The following PDIA6 variants were observed in gnomAD, a reference collection of about 807,000 sequenced individuals.
The protein encoded by PDIA6 is protein disulfide isomerase family A member 6, also known as protein disulfide-isomerase A6.
PDIA6 carries 29 observed loss-of-function variants against 58.4 expected under a neutral mutation model. The ratio of observed to expected loss-of-function variants is 0.50; its 90% CI spans 0.37 to 0.68. The LOEUF is 0.68. Ranked by LOEUF, PDIA6 falls within the 30% of genes least tolerant of loss-of-function variation. The pLI, the probability that PDIA6 is intolerant of heterozygous loss-of-function variation, is 0.00. For missense variants in PDIA6, 480 were observed against 551.0 expected (o/e 0.87, Z 1.29); for synonymous variants, 192 against 202.6 (o/e 0.95, Z 0.44).
At chr2:10,816,544 A>G (rs1370765266), upstream of PDIA6, among the ~76,000 whole-genome samples, 5 of 106,758 alleles carry the variant, frequency 4.7e-5, no homozygotes, top group Admixed American at 4.5e-4. Context: ...TTTTTTTGGC[A>G]TTGACACTTT....
chr2:10,797,839 C>G lies in PDIA6; in HGVS notation c.162-82G>C, dbSNP rs1171584827. The G allele has an allele frequency of 3.6e-6, 4 of 1,104,434 alleles. No homozygotes were observed. The Admixed American group carries it at 6.2e-5, about 17-fold the overall frequency. 68.4% of individuals were successfully genotyped at this position (1,104,434 alleles called of 1,614,324 possible). The stretch of plus-strand genomic sequence containing the variant: ...AAATTCAAAAATTCAATTAAAAAAC[C>G]CCATCAATGGTCTATTGAATGAGAT... On this transcript the variant is annotated intron_variant, in intron 2 of 12. Coordinates refer to ENST00000272227, the MANE Select transcript of PDIA6 (RefSeq NM_005742.4).
exon 1 of PDIA6, chr2:10,837,680 G>T: frequency 6.6e-7 from 1 of 1,516,304 alleles, no homozygotes; most frequent in East Asian, 2.5e-5. Context: ...GCAGAGCTGG[G>T]TCTCAAGCCT....
intron 2 of PDIA6, among the ~76,000 whole-genome samples, chr2:10,801,027 C>A (rs1039489904): frequency 5.3e-5 from 8 of 152,104 alleles, no homozygotes; most frequent in African/African-American, 1.9e-4. Context: ...AGCTGTAATC[C>A]CAGCACTTTG....
chr2:10,820,733 G>C (rs766706947), intron 1 of PDIA6: 1 of 702,732 alleles, frequency 1.4e-6, no homozygotes, highest in Non-Finnish European at 2.6e-6. Context: ...CACCAGCTGG[G>C]GTGGCCCGAA....
upstream of PDIA6, among the ~76,000 whole-genome samples, chr2:10,813,644 C>CT (rs951081473): frequency 6.0e-5 from 9 of 150,506 alleles, no homozygotes; most frequent in African/African-American, 1.5e-4. Context: ...AATTTTTTTG[C>CT]TTTTTTTTGA....
upstream of PDIA6, among the ~76,000 whole-genome samples, chr2:10,833,691 C>T (rs1667761783): frequency 1.3e-5 from 2 of 152,190 alleles, no homozygotes; most frequent in Admixed American, 1.3e-4. Flanking sequence ...ATTGGAACTC[C>T]CGGAGGCAGG....
chr2:10,836,273 C>T (rs967737035), upstream of PDIA6, among the ~76,000 whole-genome samples: 30 of 152,332 alleles, frequency 2.0e-4, no homozygotes, highest in South Asian at 1.2e-3. Context: ...TCAGGTCCTA[C>T]GATGGCCTGC....
chr2:10,802,362 C>T (rs1480991508), intron 2 of PDIA6, 137 bp downstream of exon 2: 2 of 479,360 alleles, frequency 4.2e-6, no homozygotes, highest in Non-Finnish European at 6.9e-6. Context: ...TTGCATTTCC[C>T]ATTTCCCTCT....
intron 8 of PDIA6, among the ~76,000 whole-genome samples, chr2:10,789,212 T>G (rs1665921269): frequency 6.6e-6 from 1 of 152,200 alleles, no homozygotes; most frequent in Admixed American, 6.5e-5. Context: ...TTAGCACACA[T>G]ACAAACATCT....
In PDIA6 at chr2:10,827,836, ATTT is replaced by A. The variant is rs149720114; in HGVS notation, c.-48+4363_-48+4365del. On this transcript the variant is annotated intron_variant, in intron 1 of 13. Coordinates refer to the PDIA6 transcript ENST00000381611. The stretch of plus-strand genomic sequence containing the variant: ...ACGACTCTGTCTCAAAAAAAAAAAA[ATTT>A]TTTTTTTCTTGCAATTCTTTAGAAC... 2.0e-4 allele frequency among the ~76,000 whole-genome samples: 30 copies of A among 149,620 alleles called. 1 individual carries two copies. Among genetic ancestry groups the A allele is most frequent in the Admixed American group, 4.0e-4 (6 of 15,038 alleles).
At chr2:10,826,908 C>T (rs768860488) in intron 1 of PDIA6, among the ~76,000 whole-genome samples, 1 of 152,202 alleles carries the variant, frequency 6.6e-6, no homozygotes, top group African/African-American at 2.4e-5. Flanking sequence ...GGCCTTGGCA[C>T]GACCTGCTGC....
intron 7 of PDIA6, 83 bp downstream of exon 7, chr2:10,790,636 C>T: frequency 2.1e-6 from 2 of 959,330 alleles, no homozygotes; most frequent in Admixed American, 3.7e-5. Context: ...CCTTTACTAC[C>T]TCATAGGGAG....
intron 1 of PDIA6, among the ~76,000 whole-genome samples, chr2:10,812,288 C>T (rs1367918935): frequency 6.6e-6 from 1 of 152,170 alleles, no homozygotes; most frequent in Non-Finnish European, 1.5e-5. Flanking sequence ...GCCCGCCAAC[C>T]TCCGTCCCCA....
intron 11 of PDIA6, among the ~76,000 whole-genome samples, chr2:10,786,077 T>C (rs1046421760): frequency 3.9e-5 from 6 of 151,974 alleles, no homozygotes; most frequent in Admixed American, 6.5e-5. Flanking sequence ...AATCCCAGCA[T>C]TTTGGGAGGC....
At chr2:10,802,762 T>TG (rs1050255494) in intron 1 of PDIA6, 122 bp from the exon 2 acceptor site, 1 of 629,386 alleles carries the variant, frequency 1.6e-6, no homozygotes, top group Non-Finnish European at 2.4e-6. Flanking sequence ...GGCCTAGCTC[T>TG]GGCCCCTCTG....
intron 1 of PDIA6, chr2:10,821,034 T>C: frequency 1.8e-6 from 1 of 546,032 alleles, no homozygotes; most frequent in South Asian, 2.3e-5. Context: ...TACCTCCCAG[T>C]GAGGAGATGG....
At chr2:10,837,638 C>A (rs1018548210) in exon 1 of PDIA6, 3 of 1,329,840 alleles carry the variant, frequency 2.3e-6, no homozygotes, top group African/African-American at 2.9e-5. Context: ...CACAGAATTG[C>A]AGCTTGTTCA....
chr2:10,836,594 T>C (rs1399444862), upstream of PDIA6, among the ~76,000 whole-genome samples: 1 of 151,782 alleles, frequency 6.6e-6, no homozygotes, highest in African/African-American at 2.4e-5. Context: ...GAATTCACTC[T>C]TTTAAATTGT....
chr2:10,791,698 G>A (rs1666040763), intron 6 of PDIA6, 97 bp downstream of exon 6: 1 of 1,088,416 alleles, frequency 9.2e-7, no homozygotes, highest in East Asian at 2.5e-5. Context: ...AGAGATCTTA[G>A]TGGTGATCTA....
Sources: allele counts gnomAD v4.1 joint callset (sites outside exome capture counted in the v4.1 genomes callset), GRCh38; gene constraint gnomAD v4.1.1; transcripts MANE v1.5; gene names NCBI Gene and HGNC (gene_info 2026-07-23, HGNC 2026-07-21).